The following METTL15 variants were observed in gnomAD, a reference collection of about 807,000 sequenced individuals.
METTL15 encodes methyltransferase 15, mitochondrial 12S rRNA N4-cytidine, also known as 12S rRNA N(4)-cytidine methyltransferase METTL15.
METTL15 carries 34 observed loss-of-function variants against 38.3 expected under a neutral mutation model. The ratio of observed to expected loss-of-function variants is 0.89; its 90% confidence interval spans 0.68 to 1.18. METTL15 has a LOEUF of 1.18. Among genes scored for constraint, METTL15 ranks in the 50% most tolerant of loss-of-function variants. The pLI is 0.00. For missense variants in METTL15, 438 were observed against 498.4 expected (o/e 0.88, Z 1.15); for synonymous variants, 162 against 170.9 (o/e 0.95, Z 0.41).
intron 6 of METTL15, among the ~76,000 whole-genome samples, chr11:28,448,921 G>A (rs1211703691): frequency 6.6e-6 from 1 of 152,140 alleles, no homozygotes; most frequent in Non-Finnish European, 1.5e-5. Context: ...TAGTTTTTGT[G>A]CCTGTGGAAA....
chr11:28,218,060 T>G lies in METTL15; in HGVS notation c.407+6862T>G, dbSNP rs1001282246. ...ATGTGGGCTCTTTTTTGGTTCCATA[T>G]GAACTTCAAAGTAGTTTTTTCCTAT... On this transcript the variant is annotated intron_variant, in intron 4 of 6. Transcript: ENST00000407364. Among the ~76,000 whole-genome samples, 21 of 152,168 alleles carry G rather than the reference T, an allele frequency of 1.4e-4. 1 individual carries two copies. Among genetic ancestry groups the G allele is most frequent in the Admixed American group, 7.9e-4 (12 of 15,272 alleles).
intron 3 of METTL15, among the ~76,000 whole-genome samples, chr11:28,120,030 C>A (rs912960662): frequency 5.9e-5 from 9 of 152,152 alleles, no homozygotes; most frequent in African/African-American, 2.2e-4. Context: ...TGGCTCACTG[C>A]AAGCTCTGCC....
intron 3 of METTL15, among the ~76,000 whole-genome samples, chr11:28,129,830 G>C (rs573597209): frequency 2.0e-5 from 3 of 152,114 alleles, no homozygotes; most frequent in Non-Finnish European, 2.9e-5. Flanking sequence ...TGCTAAAATA[G>C]TGAGTGAATA....
At chr11:28,372,982 G>T (rs1161619539) in intron 5 of METTL15, among the ~76,000 whole-genome samples, 3 of 151,548 alleles carry the variant, frequency 2.0e-5, no homozygotes, top group Non-Finnish European at 4.4e-5. Context: ...GTATTCCATG[G>T]TGTATATGTG....
chr11:28,310,965 GGT>G lies in METTL15; in HGVS notation c.778+14072_778+14073del, dbSNP rs772116266. On this transcript the variant is annotated intron_variant, in intron 6 of 6. Coordinates refer to ENST00000407364, the MANE Select transcript of METTL15 (RefSeq NM_001113528.2). ...GGTGGTGGTGGTGGTGGTGGTGGTG[GGT>G]GTGTGTGTGTGTGTGTGTGTGTGTG... Among the ~76,000 whole-genome samples, 237 of 77,418 alleles carry G rather than the reference GGT, an allele frequency of 3.1e-3. 3 individuals are homozygous for G. Among genetic ancestry groups the G allele is most frequent in the South Asian group, 5.6e-3 (9 of 1,602 alleles). 50.8% of individuals were successfully genotyped at this position (77,418 alleles called of 152,430 possible). A position where few individuals can be genotyped will look rare whatever the true frequency, so the allele number is the denominator to read the frequency against.
chr11:28,138,601 A>G (rs1849592469), intron 3 of METTL15, among the ~76,000 whole-genome samples: 1 of 152,212 alleles, frequency 6.6e-6, no homozygotes, highest in East Asian at 1.9e-4. Flanking sequence ...TTAAGAAAGA[A>G]AGCTAGAATT....
At chr11:28,121,080 T>C (rs190553490) in intron 3 of METTL15, among the ~76,000 whole-genome samples, 1 of 152,306 alleles carries the variant, frequency 6.6e-6, no homozygotes, top group African/African-American at 2.4e-5. Context: ...TAAATTATTG[T>C]TGACTGTTAC....
chr11:28,356,361 G>GTA (rs1275738790), intron 4 of METTL15, among the ~76,000 whole-genome samples: 1 of 152,184 alleles, frequency 6.6e-6, no homozygotes, highest in Non-Finnish European at 1.5e-5. Flanking sequence ...CTGGCATGCA[G>GTA]TAGACACTCA....
intron 4 of METTL15, among the ~76,000 whole-genome samples, chr11:28,271,225 A>G (rs1398798181): frequency 6.6e-6 from 1 of 152,142 alleles, no homozygotes; most frequent in African/African-American, 2.4e-5. Flanking sequence ...CTTACAATAA[A>G]TATTTATTAT....
intron 5 of METTL15, among the ~76,000 whole-genome samples, chr11:28,396,412 C>G (rs529720595): frequency 1.3e-5 from 2 of 152,264 alleles, no homozygotes; most frequent in African/African-American, 2.4e-5. Context: ...GATACAAAAT[C>G]AATGTGCAAA....
At chr11:28,456,191 G>A (rs1018325448) in intron 6 of METTL15, among the ~76,000 whole-genome samples, 1 of 151,594 alleles carries the variant, frequency 6.6e-6, no homozygotes, top group Non-Finnish European at 1.5e-5. Context: ...AAAAATTTTT[G>A]TAGAGATGGG....
chr11:28,149,476 G>A (rs190577372), intron 3 of METTL15, among the ~76,000 whole-genome samples: 1 of 151,904 alleles, frequency 6.6e-6, no homozygotes, highest in Non-Finnish European at 1.5e-5. Flanking sequence ...GCATTTTTTA[G>A]ACTGGAAATC....
chr11:28,383,091 G>C (rs1850405859), intron 5 of METTL15, among the ~76,000 whole-genome samples: 5 of 152,090 alleles, frequency 3.3e-5, no homozygotes, highest in Middle Eastern at 3.4e-3. Flanking sequence ...GTACTCGAAA[G>C]GTAGATTTGA....
intron 5 of METTL15, among the ~76,000 whole-genome samples, chr11:28,395,431 T>C (rs900095336): frequency 6.6e-6 from 1 of 152,090 alleles, no homozygotes; most frequent in Middle Eastern, 3.2e-3. Flanking sequence ...TTGTAGGGCA[T>C]TGCCCAGGTT....
chr11:28,463,873 A>C (rs1257862198), intron 6 of METTL15, among the ~76,000 whole-genome samples: 2 of 152,106 alleles, frequency 1.3e-5, no homozygotes, highest in South Asian at 2.1e-4. Context: ...GAAAAGTAAC[A>C]TGGGTACTTC....
At chr11:28,399,962 G>A (rs143358817) in intron 5 of METTL15, among the ~76,000 whole-genome samples, 4 of 151,876 alleles carry the variant, frequency 2.6e-5, no homozygotes, top group East Asian at 1.9e-4. Flanking sequence ...ATACCACAAC[G>A]TAGCATGTAA....
chr11:28,309,298 C>G (rs941282349), intron 6 of METTL15, among the ~76,000 whole-genome samples: 10 of 152,184 alleles, frequency 6.6e-5, no homozygotes, highest in Non-Finnish European at 1.2e-4. Flanking sequence ...TGACACCCCA[C>G]CACTGTTGAC....
chr11:28,479,095 G>GTA lies in METTL15; in HGVS notation c.*425-47382_*425-47381insAT, dbSNP rs1005384676. ...TGTGTGTGTGTGTGTGTGTGTGTGT[G>GTA]TTTGCTTTTGTAATGTTATAAAATT... On this transcript the variant is annotated intron_variant and NMD_transcript_variant, in intron 6 of 7. Coordinates refer to the METTL15 transcript ENST00000532947. Among the ~76,000 whole-genome samples the GTA allele has an allele frequency of 3.1e-3, 435 of 138,630 alleles. 6 individuals are homozygous for GTA. The highest frequency in any genetic ancestry group is 0.011 in the African/African-American group (417 of 37,904). The allele number at this position is 138,630 out of a possible 152,430, so 90.9% of individuals were successfully genotyped here.
At chr11:28,113,215 T>TC (rs1851787913) in intron 2 of METTL15, 103 bp from the exon 3 acceptor site, 1 of 772,998 alleles carries the variant, frequency 1.3e-6, no homozygotes, top group Non-Finnish European at 2.0e-6. Flanking sequence ...AGTCTTAACT[T>TC]TTTTTTGATG....
Sources: allele counts gnomAD v4.1 joint callset (sites outside exome capture counted in the v4.1 genomes callset), GRCh38; gene constraint gnomAD v4.1.1; transcripts MANE v1.5; gene names NCBI Gene and HGNC (gene_info 2026-07-23, HGNC 2026-07-21).